The following FBRSL1 variants were observed in gnomAD, a reference collection of about 807,000 sequenced individuals.
FBRSL1 encodes fibrosin-1-like protein.
In FBRSL1, 51 loss-of-function variants were observed where a neutral mutation model predicts 89.6. The observed-to-expected ratio is 0.57, with a 90% CI of 0.45 to 0.72. The LOEUF is 0.72. Among genes scored for constraint, FBRSL1 ranks in the 30% least tolerant of loss-of-function variants. The probability of loss-of-function intolerance (pLI) is 0.00; values close to 1 mark genes in which losing one functional copy is unlikely to be tolerated. For missense variants in FBRSL1, 1,618 were observed against 1,451.8 expected (o/e 1.11, Z -1.86); for synonymous variants, 779 against 681.1 (o/e 1.14, Z -2.24).
At chr12:132,571,536 C>T (rs989689863) in intron 9 of FBRSL1, 22 of 1,469,572 alleles carry the variant, frequency 1.5e-5, no homozygotes, top group African/African-American at 1.0e-4. Context: ...TGCGTAGGCC[C>T]GCGTGCTGGC....
At chr12:132,510,896 T>A (rs1286042828) in intron 2 of FBRSL1, 1 of 1,004,062 alleles carries the variant, frequency 1.0e-6, no homozygotes, top group Admixed American at 6.0e-5. Context: ...ACGTGCACGC[T>A]TGCCCCTGGC....
At chr12:132,547,210 C>T (rs957535114) in intron 4 of FBRSL1, among the ~76,000 whole-genome samples, 1 of 148,244 alleles carries the variant, frequency 6.7e-6, no homozygotes, top group South Asian at 2.2e-4. Context: ...GGAGAACGGA[C>T]AGTCAGTGTG....
chr12:132,558,772 G>T (rs776149769), intron 5 of FBRSL1, among the ~76,000 whole-genome samples: 1 of 152,354 alleles, frequency 6.6e-6, no homozygotes, highest in East Asian at 1.9e-4. Context: ...GATAGGCCCT[G>T]CCCGGGGCCA....
intron 5 of FBRSL1, among the ~76,000 whole-genome samples, chr12:132,549,514 C>T (rs1299943662): frequency 6.6e-6 from 1 of 152,234 alleles, no homozygotes; most frequent in African/African-American, 2.4e-5. Flanking sequence ...TCACCCCCTC[C>T]CCACCTCCTT....
At chr12:132,503,543 G>A (rs918166486) in intron 1 of FBRSL1, among the ~76,000 whole-genome samples, 6 of 152,232 alleles carry the variant, frequency 3.9e-5, no homozygotes, top group Non-Finnish European at 8.8e-5. Flanking sequence ...AAAGGGTCCC[G>A]TTCCCACCTT....
intron 5 of FBRSL1, chr12:132,566,332 G>A (rs1017035035): frequency 1.3e-5 from 2 of 151,718 alleles, no homozygotes; most frequent in African/African-American, 4.8e-5. Context: ...CCATCACCTG[G>A]GGGTGAGGAT....
intron 11 of FBRSL1, among the ~76,000 whole-genome samples, chr12:132,573,349 C>T (rs969251568): frequency 2.6e-5 from 4 of 152,208 alleles, no homozygotes. Flanking sequence ...TCCCCTGGGG[C>T]ACCGCCCACA....
intron 6 of FBRSL1, 22 bp from the exon 7 acceptor site, chr12:132,569,904 C>T (rs1010373858): frequency 2.9e-5 from 40 of 1,372,074 alleles, no homozygotes; most frequent in Non-Finnish European, 3.4e-5. Context: ...CTGGTCTGAA[C>T]GCAGCCACCC....
chr12:132,576,192 GTTTC>G (rs1303234481), intron 14 of FBRSL1, among the ~76,000 whole-genome samples: 5 of 150,836 alleles, frequency 3.3e-5, no homozygotes, highest in South Asian at 2.1e-4. Context: ...TGCTTTTTCA[GTTTC>G]TTTTTTTTTT....
chr12:132,572,215 A>G (rs895323689), intron 9 of FBRSL1, 73 bp from the exon 10 acceptor site: 18 of 1,403,048 alleles, frequency 1.3e-5, no homozygotes, highest in Non-Finnish European at 1.6e-5. Flanking sequence ...CAGCCCGGCC[A>G]GGTGGGCGGG....
At chr12:132,561,230 C>T (rs2039095410) in intron 5 of FBRSL1, among the ~76,000 whole-genome samples, 1 of 152,240 alleles carries the variant, frequency 6.6e-6, no homozygotes, top group South Asian at 2.1e-4. Context: ...AACTCGTCTG[C>T]TAAGTGTAGG....
At chr12:132,494,585 A>C (rs1247938473) in intron 1 of FBRSL1, among the ~76,000 whole-genome samples, 1 of 152,260 alleles carries the variant, frequency 6.6e-6, no homozygotes, top group Non-Finnish European at 1.5e-5. Context: ...CAGGGTGCCC[A>C]GGAGCACATT....
At position 132,570,553 on chromosome 12, in the gene FBRSL1, G is replaced by A; in HGVS notation, c.1213+13G>A. ...GGACACCCGGCCGGTAGGTGTCTCG[G>A]CCACAATCTCGCCCAGGGCAGGGGT... On this transcript the variant is annotated intron_variant, in intron 8 of 18. Transcript: ENST00000680143. 6.7e-7 allele frequency: 1 copy of A among 1,494,498 alleles called. No homozygotes were observed. Among genetic ancestry groups the A allele is most frequent in the African/African-American group, 1.4e-5 (1 of 70,868 alleles). 92.6% of individuals were successfully genotyped at this position (1,494,498 alleles called of 1,614,324 possible).
At position 132,577,941 on chromosome 12, in the gene FBRSL1, G is replaced by A. The variant is rs142610800; in HGVS notation, c.1834+1010G>A. Among the ~76,000 whole-genome samples, 10 of 152,304 alleles carry A rather than the reference G, an allele frequency of 6.6e-5. No individual in the cohort carries two copies. In the East Asian group the frequency reaches 7.7e-4, roughly 12 times the overall value. ...CACAGTTACACATCCACATCCACGC[G>A]TGTACGCACACGTGAAGCATGAGCA... On this transcript the variant is annotated intron_variant, in intron 15 of 18. Transcript: ENST00000680143.
chr12:132,492,234 C>T (rs12316422), intron 1 of FBRSL1, among the ~76,000 whole-genome samples: 30,218 of 152,162 alleles, frequency 0.2, 3,234 homozygotes, highest in Middle Eastern at 0.29. Flanking sequence ...CTGCTCCGAG[C>T]GGGTCAGCCC....
chr12:132,577,313 G>T (rs1394881824), intron 15 of FBRSL1, among the ~76,000 whole-genome samples: 2 of 152,210 alleles, frequency 1.3e-5, no homozygotes, highest in African/African-American at 4.8e-5. Flanking sequence ...CCCCACCAGA[G>T]GCAAAGGAAT....
At position 132,529,525 on chromosome 12, in the gene FBRSL1, C is replaced by G. The variant is rs1321542976; in HGVS notation, c.615+1537C>G. On this transcript the variant is annotated intron_variant, in intron 4 of 18. Transcript: ENST00000680143. Reference sequence around the variant, plus strand: ...GAGGTTCTGTCTAAAGCCCTGGGCTCAGCTCTACCATCCTGGGCTCTTCTC... The same window carrying G: ...GAGGTTCTGTCTAAAGCCCTGGGCTGAGCTCTACCATCCTGGGCTCTTCTC... 2.0e-5 allele frequency among the ~76,000 whole-genome samples: 3 copies of G among 152,228 alleles called. No homozygotes were observed. In the South Asian group the frequency reaches 6.2e-4, roughly 32 times the overall value.
intron 9 of FBRSL1, 140 bp downstream of exon 9, chr12:132,571,371 C>CGCCT (rs1566229132): frequency 6.4e-7 from 1 of 1,550,722 alleles, no homozygotes; most frequent in Non-Finnish European, 8.7e-7. Context: ...AGCGGCCTGG[C>CGCCT]GCCTCCCTGG....
At chr12:132,544,421 A>G (rs960741845) in intron 4 of FBRSL1, among the ~76,000 whole-genome samples, 1 of 152,192 alleles carries the variant, frequency 6.6e-6, no homozygotes, top group African/African-American at 2.4e-5. Flanking sequence ...CTTGGCCATC[A>G]GGGTCATAGA....
Sources: gnomAD v4.1 joint callset for allele counts (sites outside exome capture counted in the v4.1 genomes callset) on GRCh38, gnomAD v4.1.1 for gene constraint, MANE v1.5 for transcripts, NCBI Gene and HGNC (gene_info 2026-07-23, HGNC 2026-07-21) for gene names.